The following ZNF337 variants were observed in gnomAD, a reference collection of about 807,000 sequenced individuals.
ZNF337 encodes the protein zinc finger protein 337.
In ZNF337, 8 loss-of-function variants were observed where a neutral mutation model predicts 12.1. That is an observed-to-expected ratio of 0.66 (90% CI 0.39 to 1.19). The LOEUF is 1.19. Ranked by LOEUF, ZNF337 falls within the 50% of genes most tolerant of loss-of-function variation. The pLI, the probability that ZNF337 is intolerant of heterozygous loss-of-function variation, is 0.01. For missense variants in ZNF337, 882 were observed against 896.6 expected (o/e 0.98, Z 0.21); for synonymous variants, 336 against 320.0 (o/e 1.05, Z -0.53).
At chr20:25,688,672 T>C (rs1600448915) in intron 1 of ZNF337, among the ~76,000 whole-genome samples, 1 of 152,252 alleles carries the variant, frequency 6.6e-6, no homozygotes, top group African/African-American at 2.4e-5. Flanking sequence ...GATAGTAATG[T>C]AGGTTTTTCT....
At chr20:25,677,929 A>G (rs2065723903) in intron 4 of ZNF337, 1 of 152,190 alleles carries the variant, frequency 6.6e-6, no homozygotes, top group Non-Finnish European at 1.5e-5. Context: ...ACCCACAGCA[A>G]ACATCTTAGT....
chr20:25,675,935 C>A lies in ZNF337; in HGVS notation c.1353G>T (p.Gln451His), dbSNP rs1430401179. 1 of 1,613,850 alleles carries A rather than the reference C, an allele frequency of 6.2e-7. No individual in the cohort carries two copies. Among genetic ancestry groups the A allele is most frequent in the Non-Finnish European group, 8.5e-7 (1 of 1,179,968 alleles). ...FIQKSTLVKH[Q>H]ITHSEEKPFV... The stretch of plus-strand genomic sequence containing the variant: ...AAGGCTTCTCCTCTGAGTGTGTGAT[C>A]TGATGTTTCACAAGGGTTGACTTCT... Residue 451 changes from glutamine (Q) to histidine (H), a missense_variant, in exon 5 of 5, where the codon CAG becomes CAT. Gln to His is a conservative substitution (Grantham distance 24). Coordinates refer to ENST00000252979, the MANE Select transcript of ZNF337 (RefSeq NM_015655.4).
chr20:25,694,826 C>G (rs1410373983), intron 1 of ZNF337, among the ~76,000 whole-genome samples: 1 of 152,202 alleles, frequency 6.6e-6, no homozygotes. Context: ...AAATATACTT[C>G]TTTGACATGT....
intron 1 of ZNF337, among the ~76,000 whole-genome samples, chr20:25,688,931 C>T (rs960476066): frequency 5.9e-5 from 9 of 151,960 alleles, no homozygotes; most frequent in South Asian, 2.1e-4. Flanking sequence ...GAGATTGAGA[C>T]CGTCCTGGCT....
chr20:25,675,542 G>A lies in ZNF337; in HGVS notation c.1746C>T (p.Ile582=). The A allele has an allele frequency of 6.2e-7, 1 of 1,613,940 alleles. No homozygotes were observed. ...FNCKDCGRGF[I]LKSTLLFHQK... is the part of the protein sequence containing the mutation. ...GGTGGAAGAGGAGAGTTGATTTTAG[G>A]ATGAAGCCTCGCCCGCAATCCTTGC... is the stretch of plus-strand genomic sequence containing the variant. The change falls in exon 5 of 5, where the codon ATC becomes ATT. Residue 582 remains isoleucine (I), a synonymous_variant. Transcript: ENST00000252979.
intron 1 of ZNF337, 97 bp from the exon 2 acceptor site, chr20:25,686,563 G>T: frequency 2.2e-6 from 2 of 896,482 alleles, no homozygotes; most frequent in South Asian, 1.7e-5. Context: ...GATCTGGGGA[G>T]GGCGCACCTG....
chr20:25,690,389 T>G (rs2065874318), intron 1 of ZNF337, among the ~76,000 whole-genome samples: 1 of 152,216 alleles, frequency 6.6e-6, no homozygotes, highest in Non-Finnish European at 1.5e-5. Context: ...AATCTCATGG[T>G]GAACTTGCCT....
chr20:25,689,306 GA>G (rs367883998), intron 1 of ZNF337, among the ~76,000 whole-genome samples: 3,873 of 146,572 alleles, frequency 0.026, 157 homozygotes, highest in African/African-American at 0.09. Context: ...TCCGCATCAA[GA>G]AAAAAAAAAA....
chr20:25,688,067 C>T (rs895065825), intron 1 of ZNF337, among the ~76,000 whole-genome samples: 1 of 152,308 alleles, frequency 6.6e-6, no homozygotes. Context: ...TGATTTAAAA[C>T]ATTTTTGTTA....
At chr20:25,689,039 A>G (rs529785103) in intron 1 of ZNF337, among the ~76,000 whole-genome samples, 1 of 151,224 alleles carries the variant, frequency 6.6e-6, no homozygotes, top group East Asian at 2.0e-4. Context: ...CGGGAGGCTG[A>G]GGCAGGAGAA....
At chr20:25,681,454 T>C (rs1269635114) in intron 4 of ZNF337, among the ~76,000 whole-genome samples, 1 of 152,002 alleles carries the variant, frequency 6.6e-6, no homozygotes, top group Non-Finnish European at 1.5e-5. Flanking sequence ...AACTCCACAG[T>C]CTGTATGAAC....
Position 25,685,587 on chromosome 20 carries a change from C to T in ZNF337, c.230G>A (p.Arg77His), listed in dbSNP as rs375335236. 1.9e-5 allele frequency: 31 copies of T among 1,614,030 alleles called. No individual in the cohort carries two copies. The highest frequency in any genetic ancestry group is 1.3e-4 in the African/African-American group (10 of 74,938). Reference sequence around the variant, plus strand: ...CTCACCTGCACAGGGGCCTGGCCGGCGTCTTCTCTCTTCTCCCCAGGGCAC... The same window carrying T: ...CTCACCTGCACAGGGGCCTGGCCGGTGTCTTCTCTCTTCTCCCCAGGGCAC... Reference protein sequence around the residue: ...GEVPWGEERRRRPGPCAGIYA... With the variant: ...GEVPWGEERRHRPGPCAGIYA... Residue 77 changes from arginine (R) to histidine (H), a missense_variant, in exon 4 of 5, where the codon CGC becomes CAC. Physicochemically the swap from Arg to His is conservative, Grantham distance 29. Transcript: ENST00000252979.
At chr20:25,685,535 T>G in intron 4 of ZNF337, 32 bp downstream of exon 4, 1 of 1,584,888 alleles carries the variant, frequency 6.3e-7, no homozygotes, top group Non-Finnish European at 8.7e-7. Flanking sequence ...GCGGAGTGCC[T>G]TGTGCTCTGT....
intron 4 of ZNF337, among the ~76,000 whole-genome samples, chr20:25,685,045 T>A (rs1247536885): frequency 1.3e-5 from 2 of 151,354 alleles, no homozygotes; most frequent in Non-Finnish European, 2.9e-5. Context: ...TTGATGGATG[T>A]AGCAAACCAA....
rs373233055 is a variant in ZNF337, at chr20:25,675,392, C to G, written c.1896G>C (p.Glu632Asp). ...CCTTCCAGTTGAAGCCTCGCCCACACTCCTTGCATACAAAAGGCTGCTTGC... is the reference window on the plus strand; with the variant it reads ...CCTTCCAGTTGAAGCCTCGCCCACAGTCCTTGCATACAAAAGGCTGCTTGC... Reference protein sequence around the residue: ...HSGKQPFVCKECGRGFNWKGN... With the variant: ...HSGKQPFVCKDCGRGFNWKGN... Residue 632 changes from glutamate to aspartate, a missense_variant, in exon 5 of 5, where the codon GAG (glutamate) becomes GAC (aspartate). Glu to Asp is a conservative substitution (Grantham distance 45). Transcript: ENST00000252979. 1 of 1,611,368 alleles carries G rather than the reference C, an allele frequency of 6.2e-7. No individual in the cohort carries two copies. The highest frequency in any genetic ancestry group is 2.2e-5 in the East Asian group (1 of 44,656).
At chr20:25,685,870 CTT>C (rs2065826438) in intron 3 of ZNF337, 124 bp downstream of exon 3, 1 of 1,455,248 alleles carries the variant, frequency 6.9e-7, no homozygotes, top group Non-Finnish European at 9.3e-7. Flanking sequence ...CAGTATGAAA[CTT>C]TACCAAAGCC....
intron 1 of ZNF337, among the ~76,000 whole-genome samples, chr20:25,694,360 G>A (rs1255584121): frequency 6.6e-6 from 1 of 152,154 alleles, no homozygotes; most frequent in Admixed American, 6.5e-5. Flanking sequence ...TTAACCAGTA[G>A]GCATGGCTAT....
intron 1 of ZNF337, among the ~76,000 whole-genome samples, chr20:25,696,087 T>TCCCCCCCCCCCCCCCCCCC (rs149644721): frequency 1.9e-5 from 1 of 52,106 alleles, no homozygotes; most frequent in African/African-American, 6.3e-5. Flanking sequence ...CCCACGCAGA[T>TCCCCCCCCCCCCCCCCCCC]CCCCCCCCCC....
rs1215921479 is a variant in ZNF337, at chr20:25,675,035, A to G, written c.2253T>C (p.Ser751=). The G allele has an allele frequency of 9.9e-6, 16 of 1,611,334 alleles. No homozygotes were observed. The highest frequency in any genetic ancestry group is 1.4e-5 in the Non-Finnish European group (16 of 1,178,616). The stretch of plus-strand genomic sequence containing the variant: ...TGATGGATGGTGAGATATAACTTCA[A>G]GATGAAGCCTCACCCACACTCCCTG... ...FCTGSVGEAS[S] Residue 751 remains serine (S), a synonymous_variant, in exon 5 of 5, where the codon TCT becomes TCC. Coordinates refer to ENST00000252979, the MANE Select transcript of ZNF337 (RefSeq NM_015655.4).
Sources: allele counts gnomAD v4.1 joint callset (sites outside exome capture counted in the v4.1 genomes callset), GRCh38; gene constraint gnomAD v4.1.1; transcripts MANE v1.5; gene names NCBI Gene and HGNC (gene_info 2026-07-23, HGNC 2026-07-21).